CCDC7: variants seen among roughly 807,000 people sequenced by gnomAD.
CCDC7 encodes the protein coiled-coil domain containing 7.
Under a neutral mutation model 196.9 loss-of-function variants are expected in CCDC7, and 183 were observed. The observed-to-expected ratio is 0.93, with a 90% CI of 0.82 to 1.05. The LOEUF is 1.05. CCDC7 is among the 50% of genes least tolerant of loss of function. CCDC7 has a pLI of 0.00. For synonymous variants in CCDC7, 525 were observed against 484.6 expected (o/e 1.08, Z -1.10); for missense variants, 1,540 against 1,482.2 (o/e 1.04, Z -0.64).
chr10:32,461,002 G>A (rs2035510019), intron 3 of CCDC7, among the ~76,000 whole-genome samples: 1 of 152,038 alleles, frequency 6.6e-6, no homozygotes, highest in Non-Finnish European at 1.5e-5. Context: ...TCAATCTTAT[G>A]TTACTCCCTG....
At chr10:32,712,433 T>G (rs7900825) in intron 25 of CCDC7, among the ~76,000 whole-genome samples, 68,414 of 152,016 alleles carry the variant, frequency 0.45, 16,158 homozygotes, top group East Asian at 0.58. Flanking sequence ...CTTGTGCCTT[T>G]TCCAATGATA....
At chr10:32,604,440 A>G (rs2061373568) in intron 18 of CCDC7, among the ~76,000 whole-genome samples, 1 of 152,072 alleles carries the variant, frequency 6.6e-6, no homozygotes, top group African/African-American at 2.4e-5. Flanking sequence ...TTCTATAGAG[A>G]TTTTAAAAAT....
In CCDC7 at chr10:32,685,491, T is replaced by C. The variant is rs568965033; in HGVS notation, c.2123-479T>C. On this transcript the variant is annotated intron_variant, in intron 21 of 41. Transcript: ENST00000639629. ...AAGAGGAATGAGAAAGGGGCTTTAC[T>C]GGCTCAACCAGAAGCAGAAACTAAG... is the stretch of plus-strand genomic sequence containing the variant. 1.5e-4 allele frequency among the ~76,000 whole-genome samples: 23 copies of C among 152,322 alleles called. No homozygotes were observed. In the East Asian group the frequency reaches 3.7e-3, roughly 24 times the overall value.
chr10:32,753,872 T>C (rs2076015649), intron 28 of CCDC7, among the ~76,000 whole-genome samples: 3 of 152,156 alleles, frequency 2.0e-5, no homozygotes, highest in Admixed American at 6.5e-5. Context: ...TAATTGTTTA[T>C]TTTTTCATAA....
intron 39 of CCDC7, among the ~76,000 whole-genome samples, chr10:32,849,028 C>T (rs1447649127): frequency 6.6e-6 from 1 of 151,270 alleles, no homozygotes; most frequent in African/African-American, 2.4e-5. Flanking sequence ...TCCTAAAGAG[C>T]TATTAAAATT....
chr10:32,676,808 G>C (rs986372793), intron 21 of CCDC7, among the ~76,000 whole-genome samples: 6 of 152,162 alleles, frequency 3.9e-5, no homozygotes, highest in African/African-American at 7.2e-5. Flanking sequence ...GGAAGGCAGT[G>C]TGGCGATTCC....
chr10:32,571,989 C>A, intron 16 of CCDC7, 96 bp downstream of exon 17: 1 of 1,185,126 alleles, frequency 8.4e-7, no homozygotes, highest in Non-Finnish European at 1.1e-6. Context: ...TTTAATGTCA[C>A]AAAACTCTTT....
intron 22 of CCDC7, among the ~76,000 whole-genome samples, chr10:32,687,647 T>G (rs1253345771): frequency 1.3e-5 from 2 of 152,228 alleles, no homozygotes; most frequent in Non-Finnish European, 2.9e-5. Flanking sequence ...ATGTGAGTTA[T>G]GTAATTCTAC....
At chr10:32,802,076 A>G (rs1168449539) in intron 29 of CCDC7, among the ~76,000 whole-genome samples, 1 of 151,996 alleles carries the variant, frequency 6.6e-6, no homozygotes, top group Non-Finnish European at 1.5e-5. Flanking sequence ...CTTGTGTCTG[A>G]TTTTCCACAA....
At chr10:32,468,261 T>G (rs1268197131) in intron 5 of CCDC7, among the ~76,000 whole-genome samples, 2 of 152,196 alleles carry the variant, frequency 1.3e-5, no homozygotes, top group African/African-American at 4.8e-5. Flanking sequence ...TCTGATTTCT[T>G]TGAGCAGTGT....
At chr10:32,479,153 C>CT (rs1422994407) in intron 8 of CCDC7, among the ~76,000 whole-genome samples, 4 of 151,970 alleles carry the variant, frequency 2.6e-5, no homozygotes, top group Non-Finnish European at 5.9e-5. Context: ...GTCCCTCTTT[C>CT]TTTTTTTGCA....
At chr10:32,551,960 T>G (rs2053554630) in intron 13 of CCDC7, among the ~76,000 whole-genome samples, 1 of 152,210 alleles carries the variant, frequency 6.6e-6, no homozygotes, top group African/African-American at 2.4e-5. Flanking sequence ...TTGTTGACTT[T>G]CTGTCTTGAT....
At chr10:32,821,907 A>T (rs2090301184) in intron 31 of CCDC7, among the ~76,000 whole-genome samples, 1 of 152,250 alleles carries the variant, frequency 6.6e-6, no homozygotes, top group African/African-American at 2.4e-5. Flanking sequence ...ACATGTATAC[A>T]TATGTAACAA....
At chr10:32,595,688 A>C (rs1197396392) in intron 18 of CCDC7, among the ~76,000 whole-genome samples, 1 of 152,138 alleles carries the variant, frequency 6.6e-6, no homozygotes, top group African/African-American at 2.4e-5. Flanking sequence ...TTAGTGCTAT[A>C]AATTTTTCTC....
At chr10:32,776,280 A>AT (rs1225291503) in intron 28 of CCDC7, among the ~76,000 whole-genome samples, 2 of 149,974 alleles carry the variant, frequency 1.3e-5, no homozygotes, top group African/African-American at 2.4e-5. Flanking sequence ...TTGAAGTATA[A>AT]TAAAAAAAAA....
intron 23 of CCDC7, among the ~76,000 whole-genome samples, chr10:32,690,441 G>T (rs1163886682): frequency 6.6e-6 from 1 of 152,124 alleles, no homozygotes; most frequent in Admixed American, 6.5e-5. Flanking sequence ...GGCATTTGAG[G>T]TGTCAGTTGT....
chr10:32,462,608 A>T, intron 3 of CCDC7, 75 bp from the exon 5 acceptor site: 1 of 1,159,908 alleles, frequency 8.6e-7, no homozygotes, highest in Non-Finnish European at 1.2e-6. Context: ...ATTGCAAAAG[A>T]CTGAACTAAA....
intron 8 of CCDC7, among the ~76,000 whole-genome samples, chr10:32,488,573 C>T (rs908235902): frequency 3.9e-5 from 6 of 152,170 alleles, no homozygotes; most frequent in Non-Finnish European, 5.9e-5. Context: ...TCTTCTGCGT[C>T]GCTCACGCTG....
At chr10:32,596,409 T>C (rs1464551283) in intron 18 of CCDC7, among the ~76,000 whole-genome samples, 1 of 152,156 alleles carries the variant, frequency 6.6e-6, no homozygotes, top group Non-Finnish European at 1.5e-5. Flanking sequence ...CCATCCCTTT[T>C]TTTTGAGCCT....
Sources: allele counts gnomAD v4.1 joint callset (sites outside exome capture counted in the v4.1 genomes callset), GRCh38; gene constraint gnomAD v4.1.1; transcripts MANE v1.5; gene names NCBI Gene and HGNC (gene_info 2026-07-23, HGNC 2026-07-21).